ZNF804B: variants seen among roughly 807,000 people sequenced by gnomAD.
The protein encoded by ZNF804B is zinc finger protein 804B, also known as zinc finger 804B.
In ZNF804B, 80 loss-of-function variants were observed where a neutral mutation model predicts 101.4. The ratio of observed to expected loss-of-function variants is 0.79; its 90% CI spans 0.66 to 0.95. ZNF804B has a LOEUF of 0.95. Among genes scored for constraint, ZNF804B ranks in the 40% least tolerant of loss-of-function variants. ZNF804B has a pLI of 0.00. For missense variants in ZNF804B, 1,673 were observed against 1,561.9 expected, an observed-to-expected ratio of 1.07 and a Z score of -1.20; for synonymous variants, 622 against 558.8, an observed-to-expected ratio of 1.11 and a Z score of -1.59.
chr7:89,249,636 A>G (rs1480346663), intron 2 of ZNF804B, among the ~76,000 whole-genome samples: 1 of 152,204 alleles, frequency 6.6e-6, no homozygotes, highest in Non-Finnish European at 1.5e-5. Flanking sequence ...CAGCAAAAGC[A>G]GTATTAAGAG....
At chr7:89,009,643 C>A (rs1316515159) in intron 1 of ZNF804B, among the ~76,000 whole-genome samples, 1 of 151,978 alleles carries the variant, frequency 6.6e-6, no homozygotes, top group African/African-American at 2.4e-5. Flanking sequence ...AGATCAGTGC[C>A]CTTATAAAAG....
intron 1 of ZNF804B, among the ~76,000 whole-genome samples, chr7:88,785,128 G>A (rs1162866183): frequency 1.3e-5 from 2 of 152,036 alleles, no homozygotes; most frequent in Non-Finnish European, 2.9e-5. Context: ...ACAGTATAAC[G>A]TTGATGATTC....
intron 1 of ZNF804B, among the ~76,000 whole-genome samples, chr7:89,191,489 A>C (rs1788454648): frequency 6.6e-6 from 1 of 152,106 alleles, no homozygotes; most frequent in African/African-American, 2.4e-5. Flanking sequence ...GAGTGTAAGA[A>C]ATAGCCCACA....
intron 1 of ZNF804B, among the ~76,000 whole-genome samples, chr7:89,096,576 T>G (rs13230038): frequency 0.48 from 72,464 of 152,024 alleles, 17,845 homozygotes; most frequent in Non-Finnish European, 0.53. Context: ...CTGTCCACGT[T>G]ATTACTTGGA....
chr7:88,832,827 G>A (rs899899835), intron 1 of ZNF804B, among the ~76,000 whole-genome samples: 12 of 151,812 alleles, frequency 7.9e-5, no homozygotes, highest in Non-Finnish European at 1.0e-4. Context: ...AACAATACTG[G>A]CACAGAAATC....
chr7:89,076,317 C>T (rs1339269429), intron 1 of ZNF804B, among the ~76,000 whole-genome samples: 1 of 152,094 alleles, frequency 6.6e-6, no homozygotes, highest in Non-Finnish European at 1.5e-5. Context: ...CTTTCCTGTG[C>T]TGTTCTCGTG....
intron 1 of ZNF804B, among the ~76,000 whole-genome samples, chr7:88,788,520 A>C (rs1164116182): frequency 2.0e-5 from 3 of 152,136 alleles, no homozygotes; most frequent in Non-Finnish European, 4.4e-5. Flanking sequence ...TACTGTCAAC[A>C]TTATGACTTT....
Position 89,153,426 on chromosome 7 carries a change from G to GATAATA in ZNF804B, c.109-64727_109-64726insAATAAT, listed in dbSNP as rs1257932886. 3.8e-3 allele frequency among the ~76,000 whole-genome samples: 341 copies of GATAATA among 89,382 alleles called. 2 individuals are homozygous for GATAATA. The highest frequency in any genetic ancestry group is 0.013 in the African/African-American group (328 of 24,786). 58.6% of individuals were successfully genotyped at this position (89,382 alleles called of 152,430 possible). A position where few individuals can be genotyped will look rare whatever the true frequency, so the allele number is the denominator to read the frequency against. On this transcript the variant is annotated intron_variant, in intron 1 of 3. Coordinates refer to ENST00000333190, the MANE Select transcript of ZNF804B (RefSeq NM_181646.5). ...TAACACTACTACTAATGATGATGAT[G>GATAATA]ATGATAATAATAATAATAATAATAA...
At chr7:89,009,884 G>A (rs1362106293) in intron 1 of ZNF804B, among the ~76,000 whole-genome samples, 1 of 152,120 alleles carries the variant, frequency 6.6e-6, no homozygotes, top group Non-Finnish European at 1.5e-5. Flanking sequence ...ATGAACTAAG[G>A]CAGTGTTAAC....
intron 1 of ZNF804B, among the ~76,000 whole-genome samples, chr7:88,891,110 C>A (rs897817043): frequency 2.0e-5 from 3 of 152,034 alleles, no homozygotes; most frequent in African/African-American, 7.2e-5. Context: ...ATGTAAGAGA[C>A]CCTCAATAAA....
intron 2 of ZNF804B, among the ~76,000 whole-genome samples, chr7:89,307,349 A>G (rs531465393): frequency 1.3e-5 from 2 of 152,064 alleles, no homozygotes; most frequent in Non-Finnish European, 2.9e-5. Flanking sequence ...GGTTAATTGC[A>G]TTCATGAAAT....
chr7:89,057,110 AT>A (rs1472442721), intron 1 of ZNF804B, among the ~76,000 whole-genome samples: 1 of 152,078 alleles, frequency 6.6e-6, no homozygotes, highest in Non-Finnish European at 1.5e-5. Context: ...TAAGCGATAG[AT>A]TCTTAAACAA....
At chr7:89,098,263 A>T (rs563177386) in intron 1 of ZNF804B, among the ~76,000 whole-genome samples, 1 of 131,500 alleles carries the variant, frequency 7.6e-6, no homozygotes, top group East Asian at 2.1e-4. Flanking sequence ...GGCAAAAAGC[A>T]TCATCATAAT....
In ZNF804B at chr7:88,775,112, C is replaced by G. The variant is rs180685448; in HGVS notation, c.108+15028C>G. ...ACAAACAGATTTTTATTTCTTAATG[C>G]CTTATATAAAAATGTATAAGAATTT... On this transcript the variant is annotated intron_variant, in intron 1 of 3. Coordinates refer to ENST00000333190, the MANE Select transcript of ZNF804B (RefSeq NM_181646.5). Among the ~76,000 whole-genome samples, 4 of 152,190 alleles carry G rather than the reference C, an allele frequency of 2.6e-5. No individual in the cohort carries two copies. In the East Asian group the frequency reaches 7.7e-4, roughly 29 times the overall value.
At chr7:89,327,210 G>T in intron 2 of ZNF804B, 134 bp from the exon 3 acceptor site, 1 of 737,564 alleles carries the variant, frequency 1.4e-6, no homozygotes, top group South Asian at 2.5e-5. Flanking sequence ...AGCAACAATG[G>T]AGAAGATACT....
intron 1 of ZNF804B, among the ~76,000 whole-genome samples, chr7:88,987,046 T>A (rs1459931771): frequency 6.6e-6 from 1 of 152,094 alleles, no homozygotes; most frequent in Non-Finnish European, 1.5e-5. Flanking sequence ...TGTAATATAG[T>A]CTGATTTTGT....
chr7:89,219,130 A>G (rs1788942486), intron 2 of ZNF804B, among the ~76,000 whole-genome samples: 1 of 152,040 alleles, frequency 6.6e-6, no homozygotes, highest in Non-Finnish European at 1.5e-5. Context: ...TCAAGGGTCA[A>G]CTGTATGTAG....
chr7:88,938,230 A>G (rs1257345557), intron 1 of ZNF804B, among the ~76,000 whole-genome samples: 1 of 151,904 alleles, frequency 6.6e-6, no homozygotes, highest in Non-Finnish European at 1.5e-5. Context: ...AGGTTAAGAT[A>G]AAAGATTGTG....
chr7:89,105,901 C>T (rs1341451379), intron 1 of ZNF804B, among the ~76,000 whole-genome samples: 2 of 152,048 alleles, frequency 1.3e-5, no homozygotes, highest in South Asian at 2.1e-4. Context: ...TCACAGAACT[C>T]AGGGAAACAC....
Sources: gnomAD v4.1 joint callset for allele counts (sites outside exome capture counted in the v4.1 genomes callset) on GRCh38, gnomAD v4.1.1 for gene constraint, MANE v1.5 for transcripts, NCBI Gene and HGNC (gene_info 2026-07-23, HGNC 2026-07-21) for gene names.